The following ALPK1 variants were observed in gnomAD, a reference collection of about 807,000 sequenced individuals.
ALPK1 encodes alpha-protein kinase 1.
ALPK1 carries 110 observed loss-of-function variants against 120.6 expected under a neutral mutation model. The observed-to-expected ratio is 0.91, with a 90% CI of 0.78 to 1.07. The LOEUF is 1.07. Ranked by LOEUF, ALPK1 falls within the 50% of genes least tolerant of loss-of-function variation. The probability of loss-of-function intolerance (pLI) is 0.00; values close to 1 mark genes in which losing one functional copy is unlikely to be tolerated. For synonymous variants in ALPK1, 582 were observed against 560.3 expected (o/e 1.04, Z -0.55); for missense variants, 1,498 against 1,483.9 (o/e 1.01, Z -0.16).
Position 112,439,694 on chromosome 4 carries a change from G to T in ALPK1, c.3360G>T (p.Glu1120Asp). ...YIPSTILLILEDKTIKGCISV... is the reference protein window; with the variant it reads ...YIPSTILLILDDKTIKGCISV... ...TCATTGCTATTTTTCAGATTTTAGA[G>T]GACAAGACAATAAAGGGATGTATCA... The change falls in exon 14 of 16, where the codon GAG becomes GAT. Residue 1120 changes from glutamate to aspartate, a missense_variant. By Grantham distance (45) the Glu-to-Asp change is conservative. Transcript: ENST00000650871. 1 of 1,601,462 alleles carries T rather than the reference G, an allele frequency of 6.2e-7. No individual in the cohort carries two copies. The highest frequency in any genetic ancestry group is 1.1e-5 in the South Asian group (1 of 89,180).
At chr4:112,426,091 G>T in intron 7 of ALPK1, 1 of 207,108 alleles carries the variant, frequency 4.8e-6, no homozygotes, top group Non-Finnish European at 9.6e-6. Flanking sequence ...CACTGTTTTC[G>T]TTCATTCCTT....
At chr4:112,357,678 C>T (rs1474310002) in intron 2 of ALPK1, 43 of 1,598,568 alleles carry the variant, frequency 2.7e-5, no homozygotes, top group Middle Eastern at 3.3e-4. Flanking sequence ...CCAGAGGCCC[C>T]GACGGAGCCC....
Position 112,381,093 on chromosome 4 carries a change from G to C in ALPK1, c.122-1305G>C, listed in dbSNP as rs1731884109. On this transcript the variant is annotated intron_variant, in intron 3 of 15. Transcript: ENST00000650871. Reference sequence around the variant, plus strand: ...AGATTTTTATTCAGGGCAATGGACTGGTCCATCTTGTTTTTAGAAAAACGA... The same window carrying C: ...AGATTTTTATTCAGGGCAATGGACTCGTCCATCTTGTTTTTAGAAAAACGA... Among the ~76,000 whole-genome samples the C allele has an allele frequency of 2.0e-5, 3 of 152,194 alleles. No individual in the cohort carries two copies. In the South Asian group the frequency reaches 6.2e-4, roughly 32 times the overall value.
chr4:112,435,105 T>G, intron 11 of ALPK1, 43 bp from the exon 12 acceptor site: 1 of 1,581,092 alleles, frequency 6.3e-7, no homozygotes, highest in South Asian at 1.2e-5. Context: ...AATTGTAACG[T>G]CCTTTTGAAA....
intron 4 of ALPK1, among the ~76,000 whole-genome samples, chr4:112,389,266 A>G (rs910490457): frequency 1.3e-5 from 2 of 152,084 alleles, no homozygotes. Context: ...GATGAGCTCA[A>G]TCTCCTGACC....
chr4:112,330,137 G>A (rs1272080893), intron 2 of ALPK1, among the ~76,000 whole-genome samples: 2 of 152,188 alleles, frequency 1.3e-5, no homozygotes, highest in African/African-American at 2.4e-5. Context: ...ATAAAGTAGA[G>A]CTTACAGAAA....
chr4:112,298,120 C>T (rs934125435), intron 1 of ALPK1, among the ~76,000 whole-genome samples: 7 of 152,086 alleles, frequency 4.6e-5, no homozygotes, highest in African/African-American at 1.7e-4. Context: ...CTTTAGAGTA[C>T]TTTGAAAAGC....
At position 112,431,612 on chromosome 4, in the gene ALPK1, G is replaced by C. The variant is rs758965069; in HGVS notation, c.2065G>C (p.Gly689Arg). 9.3e-6 allele frequency: 15 copies of C among 1,614,034 alleles called. No individual in the cohort carries two copies. Among genetic ancestry groups the C allele is most frequent in the Non-Finnish European group, 1.3e-5 (15 of 1,180,030 alleles). Residue 689 changes from glycine (G) to arginine (R), a missense_variant, in exon 11 of 16, where the codon GGG becomes CGG. Coordinates refer to ENST00000650871, the MANE Select transcript of ALPK1 (RefSeq NM_025144.4). ...AGGCATTTTCTTGGCCCCTGGTGCAGGGCTTCTAGAAGGAGCTCCAGAAGG... is the reference window on the plus strand; with the variant it reads ...AGGCATTTTCTTGGCCCCTGGTGCACGGCTTCTAGAAGGAGCTCCAGAAGG... Reference protein sequence around the residue: ...TPGIFLAPGAGLLEGAPEGIQ... With the variant: ...TPGIFLAPGARLLEGAPEGIQ...
chr4:112,431,871 G>A lies in ALPK1; in HGVS notation c.2324G>A (p.Gly775Asp), dbSNP rs182191501. Residue 775 changes from glycine to aspartate, a missense_variant, in exon 11 of 16, where the codon GGC becomes GAC. Coordinates refer to ENST00000650871, the MANE Select transcript of ALPK1 (RefSeq NM_025144.4). ...GAAGAAATTAGTGAAAGAGGCGCAG[G>A]CCCTACATTTAAAGCTAGTCCCTCC... ...QGEEISERGAGPTFKASPSWV... is the reference protein window; with the variant it reads ...QGEEISERGADPTFKASPSWV... 6.2e-7 allele frequency: 1 copy of A among 1,613,972 alleles called. No homozygotes were observed. The highest frequency in any genetic ancestry group is 2.2e-5 in the East Asian group (1 of 44,874).
intron 2 of ALPK1, among the ~76,000 whole-genome samples, chr4:112,360,774 C>G (rs2148716856): frequency 6.6e-6 from 1 of 152,248 alleles, no homozygotes; most frequent in Admixed American, 6.5e-5. Context: ...ATGAAAGATA[C>G]CCTTTTGCTG....
chr4:112,392,965 G>C (rs1055202952), intron 4 of ALPK1, among the ~76,000 whole-genome samples: 2 of 152,214 alleles, frequency 1.3e-5, no homozygotes, highest in African/African-American at 4.8e-5. Flanking sequence ...AGCAAAGAAG[G>C]TTTATTCTGT....
chr4:112,360,495 A>T (rs937195296), intron 2 of ALPK1, among the ~76,000 whole-genome samples: 18 of 152,210 alleles, frequency 1.2e-4, no homozygotes, highest in African/African-American at 4.3e-4. Context: ...TATCTTGGCT[A>T]TTGTGAATAA....
intron 2 of ALPK1, among the ~76,000 whole-genome samples, chr4:112,331,023 G>A (rs537877185): frequency 2.0e-5 from 3 of 152,302 alleles, no homozygotes; most frequent in Non-Finnish European, 4.4e-5. Flanking sequence ...GAGGTTAGCT[G>A]TTCCCTCCTC....
intron 2 of ALPK1, among the ~76,000 whole-genome samples, chr4:112,364,891 G>A (rs1278689957): frequency 1.3e-5 from 2 of 152,150 alleles, no homozygotes; most frequent in African/African-American, 4.8e-5. Context: ...GGGATGCAGG[G>A]ATGGTTTAAC....
At chr4:112,373,810 T>A (rs1439561342) in intron 2 of ALPK1, among the ~76,000 whole-genome samples, 3 of 152,240 alleles carry the variant, frequency 2.0e-5, no homozygotes, top group African/African-American at 7.2e-5. Flanking sequence ...GTTTACACCA[T>A]ACTATAGTCT....
intron 8 of ALPK1, among the ~76,000 whole-genome samples, chr4:112,427,289 C>T (rs1217854039): frequency 3.3e-5 from 5 of 152,040 alleles, no homozygotes; most frequent in African/African-American, 1.2e-4. Context: ...TTAATTATTA[C>T]ACAATGTATA....
chr4:112,316,616 C>A (rs1427544349), intron 2 of ALPK1, among the ~76,000 whole-genome samples: 2 of 152,154 alleles, frequency 1.3e-5, no homozygotes, highest in Non-Finnish European at 2.9e-5. Flanking sequence ...TCTGATTTCT[C>A]CACATCCTTT....
At chr4:112,408,438 T>A (rs1352724269) in intron 4 of ALPK1, among the ~76,000 whole-genome samples, 1 of 152,098 alleles carries the variant, frequency 6.6e-6, no homozygotes, top group Non-Finnish European at 1.5e-5. Flanking sequence ...TGCTTTTCCA[T>A]CTTTGATTTA....
At chr4:112,353,423 T>C (rs1730451720) in intron 2 of ALPK1, among the ~76,000 whole-genome samples, 1 of 152,250 alleles carries the variant, frequency 6.6e-6, no homozygotes, top group South Asian at 2.1e-4. Context: ...TTAGAGTATA[T>C]ACTTAAGAGT....
Sources: allele counts gnomAD v4.1 joint callset (sites outside exome capture counted in the v4.1 genomes callset), GRCh38; gene constraint gnomAD v4.1.1; transcripts MANE v1.5; gene names NCBI Gene and HGNC (gene_info 2026-07-23, HGNC 2026-07-21).